HDAC4: variants seen among roughly 807,000 people sequenced by gnomAD.
The protein encoded by HDAC4 is histone deacetylase A.
In HDAC4, 16 loss-of-function variants were observed where a neutral mutation model predicts 135.1. The ratio of observed to expected loss-of-function variants is 0.12; its 90% CI spans 0.08 to 0.18. HDAC4 has a LOEUF of 0.18. Among genes scored for constraint, HDAC4 ranks in the 10% least tolerant of loss-of-function variants. HDAC4 has a pLI of 1.00. For missense variants in HDAC4, 1,143 were observed against 1,511.8 expected (o/e 0.76, Z 4.05); for synonymous variants, 685 against 653.4 (o/e 1.05, Z -0.74).
At chr2:239,250,406 G>C (rs1411623237) in intron 2 of HDAC4, among the ~76,000 whole-genome samples, 3 of 152,220 alleles carry the variant, frequency 2.0e-5, no homozygotes, top group Non-Finnish European at 4.4e-5. Flanking sequence ...GGAATTGAAG[G>C]CTGTGAAAAT....
At chr2:239,378,356 T>C (rs1397205486) in intron 1 of HDAC4, among the ~76,000 whole-genome samples, 1 of 152,134 alleles carries the variant, frequency 6.6e-6, no homozygotes, top group African/African-American at 2.4e-5. Flanking sequence ...CACACGATGA[T>C]GGCCTGGAAG....
In HDAC4 at chr2:239,172,259, CA is replaced by C. The variant is rs556980610; in HGVS notation, c.490+4153del. Among the ~76,000 whole-genome samples, 109 of 116,712 alleles carry C rather than the reference CA, an allele frequency of 9.3e-4. 1 individual carries two copies. The highest frequency in any genetic ancestry group is 9.3e-4 in the Non-Finnish European group (52 of 55,908). 76.6% of individuals were successfully genotyped at this position (116,712 alleles called of 152,430 possible). ...ATCCTACTGATAATCAGTAAAGAAACAGCAAAATAGTGATTACCAAGCTGGT... is the reference window on the plus strand; with the variant it reads ...ATCCTACTGATAATCAGTAAAGAAACGCAAAATAGTGATTACCAAGCTGGT... On this transcript the variant is annotated intron_variant, in intron 5 of 26. Transcript: ENST00000543185.
chr2:239,187,661 C>T (rs1375623865), intron 4 of HDAC4, among the ~76,000 whole-genome samples: 1 of 152,218 alleles, frequency 6.6e-6, no homozygotes, highest in Non-Finnish European at 1.5e-5. Context: ...GTGGTGCCAT[C>T]AGTAAAGTGA....
At chr2:239,140,782 G>A (rs1003782714) in intron 8 of HDAC4, 29 of 315,012 alleles carry the variant, frequency 9.2e-5, no homozygotes, top group African/African-American at 5.8e-4. Context: ...GCCCCTCAAC[G>A]GAGCCATCCC....
intron 2 of HDAC4, among the ~76,000 whole-genome samples, chr2:239,328,640 A>G (rs1425041727): frequency 6.6e-6 from 1 of 152,214 alleles, no homozygotes; most frequent in South Asian, 2.1e-4. Flanking sequence ...CAGGAAATAA[A>G]TCACATCTGT....
chr2:239,143,535 T>A (rs889174835), intron 8 of HDAC4, among the ~76,000 whole-genome samples: 1 of 152,198 alleles, frequency 6.6e-6, no homozygotes, highest in African/African-American at 2.4e-5. Flanking sequence ...CCCCTGGGCA[T>A]GAAGATGTCA....
intron 2 of HDAC4, among the ~76,000 whole-genome samples, chr2:239,247,797 G>A (rs2048552641): frequency 6.6e-6 from 1 of 152,200 alleles, no homozygotes; most frequent in African/African-American, 2.4e-5. Flanking sequence ...TAACTGCGCG[G>A]CTGGGAGCAT....
intron 4 of HDAC4, among the ~76,000 whole-genome samples, chr2:239,182,427 T>C (rs969856763): frequency 3.9e-5 from 6 of 152,174 alleles, no homozygotes; most frequent in South Asian, 4.1e-4. Flanking sequence ...AGTGAGCTCT[T>C]TCCACCATCA....
intron 20 of HDAC4, 62 bp downstream of exon 20, chr2:239,084,093 T>G: frequency 8.6e-7 from 1 of 1,160,122 alleles, no homozygotes; most frequent in Non-Finnish European, 1.3e-6. Flanking sequence ...CACACGCTGC[T>G]GTCCGCTCGG....
chr2:239,084,305 C>A lies in HDAC4; in HGVS notation c.2445-63G>T, dbSNP rs1162301147. 4 of 1,203,922 alleles carry A rather than the reference C, an allele frequency of 3.3e-6. No individual in the cohort carries two copies. The African/African-American group carries it at 4.5e-5, about 14-fold the overall frequency. 74.6% of individuals were successfully genotyped at this position (1,203,922 alleles called of 1,614,324 possible). On this transcript the variant is annotated intron_variant, in intron 19 of 26. Transcript: ENST00000543185. ...TGGGCGGTGGCCAGTTTCTCCACGGCCCGCCAGAGAGCCACTCGGGGTCCA... is the reference window on the plus strand; with the variant it reads ...TGGGCGGTGGCCAGTTTCTCCACGGACCGCCAGAGAGCCACTCGGGGTCCA...
Position 239,189,826 on chromosome 2 carries a change from G to T in HDAC4, c.339+7C>A. 6.2e-7 allele frequency: 1 copy of T among 1,603,352 alleles called. No individual in the cohort carries two copies. On this transcript the variant is annotated splice_region_variant and intron_variant, in intron 4 of 26. Transcript: ENST00000543185. ...TGGCCCACCCGCAGCCCCGCACCGC[G>T]CCTCACCTTGATGTGCTCGTGGAGC...
Position 239,231,803 on chromosome 2 carries a change from G to A in HDAC4, c.94+4790C>T, listed in dbSNP as rs1183468731. Among the ~76,000 whole-genome samples, 7 of 54,366 alleles carry A rather than the reference G, an allele frequency of 1.3e-4. 1 individual carries two copies. Among genetic ancestry groups the A allele is most frequent in the Non-Finnish European group, 1.9e-4 (6 of 31,688 alleles). 35.7% of individuals were successfully genotyped at this position (54,366 alleles called of 152,430 possible). A position where few individuals can be genotyped will look rare whatever the true frequency, so the allele number is the denominator to read the frequency against. ...CCCCGAAGCGCCCCTGTCCTCAACC[G>A]AGGCTGCTGAGCACCTGCTCCCGGA... On this transcript the variant is annotated intron_variant, in intron 3 of 26. Coordinates refer to ENST00000543185, the MANE Select transcript of HDAC4 (RefSeq NM_001378414.1).
At chr2:239,153,766 T>C (rs2042256349) in intron 7 of HDAC4, among the ~76,000 whole-genome samples, 1 of 152,206 alleles carries the variant, frequency 6.6e-6, no homozygotes, top group Admixed American at 6.5e-5. Flanking sequence ...ATCACAAGGT[T>C]AGAAGCACAG....
intron 3 of HDAC4, among the ~76,000 whole-genome samples, chr2:239,218,692 T>A (rs1259964130): frequency 7.0e-6 from 1 of 142,942 alleles, no homozygotes; most frequent in Non-Finnish European, 1.5e-5. Flanking sequence ...ACCTACAAAA[T>A]GGGAGAAAAT....
At chr2:239,186,037 AAAAC>A (rs926129179) in intron 4 of HDAC4, among the ~76,000 whole-genome samples, 26 of 152,074 alleles carry the variant, frequency 1.7e-4, no homozygotes, top group African/African-American at 4.3e-4. Flanking sequence ...ACTGCCTCAA[AAAAC>A]AAACAAACAA....
chr2:239,068,426 G>T lies in HDAC4; in HGVS notation c.2869+63C>A. 1 of 1,183,920 alleles carries T rather than the reference G, an allele frequency of 8.4e-7. No individual in the cohort carries two copies. Among genetic ancestry groups the T allele is most frequent in the Non-Finnish European group, 1.3e-6 (1 of 788,668 alleles). The allele number at this position is 1,183,920 out of a possible 1,614,324, so 73.3% of individuals were successfully genotyped here. A position where few individuals can be genotyped will look rare whatever the true frequency, so the allele number is the denominator to read the frequency against. ...TTATTAAAAAGGGGACCTGACACGC[G>T]GAACACAGCGGATCATGGACATGAG... On this transcript the variant is annotated intron_variant, in intron 23 of 26. Transcript: ENST00000543185. This position sits in a 1 kb window ranked among gnomAD's most constrained non-coding sequence, Gnocchi z 4.4.
intron 3 of HDAC4, among the ~76,000 whole-genome samples, chr2:239,228,925 T>G (rs1006227090): frequency 6.6e-6 from 1 of 152,122 alleles, no homozygotes; most frequent in Non-Finnish European, 1.5e-5. Flanking sequence ...GCAGATCACT[T>G]GAGGTCAGGA....
chr2:239,192,864 T>C (rs1275758302), intron 3 of HDAC4, among the ~76,000 whole-genome samples: 1 of 152,214 alleles, frequency 6.6e-6, no homozygotes, highest in Non-Finnish European at 1.5e-5. Flanking sequence ...ACTTGTATAA[T>C]GTAGAAGAAC....
intron 2 of HDAC4, among the ~76,000 whole-genome samples, chr2:239,350,654 C>T (rs972214112): frequency 2.0e-5 from 3 of 152,114 alleles, no homozygotes; most frequent in Non-Finnish European, 2.9e-5. Flanking sequence ...CAGGCACACG[C>T]CACCACGCCC....
Sources: gnomAD v4.1 joint callset for allele counts (sites outside exome capture counted in the v4.1 genomes callset) on GRCh38, gnomAD v4.1.1 for gene constraint, Gnocchi (gnomAD v3.1) non-coding constraint, MANE v1.5 for transcripts, NCBI Gene and HGNC (gene_info 2026-07-23, HGNC 2026-07-21) for gene names.